Variants in NUBP1 observed in about 807,000 individuals in gnomAD.
NUBP1 encodes the protein cytosolic Fe-S cluster assembly factor NUBP1.
Under a neutral mutation model 41.8 loss-of-function variants are expected in NUBP1, and 46 were observed. The ratio of observed to expected loss-of-function variants is 1.10; its 90% CI spans 0.87 to 1.41. The LOEUF is 1.41. Ranked by LOEUF, NUBP1 falls within the 40% of genes most tolerant of loss-of-function variation. NUBP1 has a pLI of 0.00. For synonymous variants in NUBP1, 189 were observed against 154.6 expected (o/e 1.22, Z -1.65); for missense variants, 494 against 414.0 (o/e 1.19, Z -1.68).
Position 10,743,946 on chromosome 16 carries a change from C to G in NUBP1, c.20-15C>G. 2 of 1,592,136 alleles carry G rather than the reference C, an allele frequency of 1.3e-6. No homozygotes were observed. The highest frequency in any genetic ancestry group is 1.7e-6 in the Non-Finnish European group (2 of 1,172,056). On this transcript the variant is annotated splice_polypyrimidine_tract_variant and intron_variant, in intron 1 of 10. Coordinates refer to ENST00000283027, the MANE Select transcript of NUBP1 (RefSeq NM_002484.4). ...TGTCGGGAGCTGCTCTAACTGTGGT[C>G]TTGTCTCTGCGCAGACTGTCCAGGG...
In NUBP1 at chr16:10,769,022, C is replaced by G. The variant is rs2233542; in HGVS notation, c.905-25C>G. Reference sequence around the variant, plus strand: ...AAGGGGTAGACAAGCCATTAGCACTCTATGCCTGTCGTCTTGTTTTCCAGG... The same window carrying G: ...AAGGGGTAGACAAGCCATTAGCACTGTATGCCTGTCGTCTTGTTTTCCAGG... On this transcript the variant is annotated intron_variant, in intron 10 of 10. Coordinates refer to ENST00000283027, the MANE Select transcript of NUBP1 (RefSeq NM_002484.4). 3,473 of 1,612,458 alleles carry G rather than the reference C, an allele frequency of 2.2e-3. 69 individuals carry two copies. The African/African-American group carries it at 0.04, about 19-fold the overall frequency.
Position 10,767,626 on chromosome 16 carries a change from A to T in NUBP1, c.821-323A>T, listed in dbSNP as rs74773487. 6.6e-3 allele frequency: 2,911 copies of T among 438,188 alleles called. 93 individuals are homozygous for T. The highest frequency in any genetic ancestry group is 0.052 in the African/African-American group (2,592 of 50,006). 27.1% of individuals were successfully genotyped at this position (438,188 alleles called of 1,614,324 possible). On this transcript the variant is annotated intron_variant, in intron 9 of 10. Coordinates refer to ENST00000283027, the MANE Select transcript of NUBP1 (RefSeq NM_002484.4). This position sits in a 1 kb window ranked among gnomAD's most constrained non-coding sequence, Gnocchi z 4.6. ...CTTTTTTTAACCATGTGCATTCATG[A>T]TCCTTTCACTCAAAAGCTAATCTCT...
chr16:10,747,670 T>C (rs1900123439), intron 3 of NUBP1, among the ~76,000 whole-genome samples: 1 of 152,212 alleles, frequency 6.6e-6, no homozygotes, highest in Non-Finnish European at 1.5e-5. Context: ...TAAGTTGAAT[T>C]GGCCTCTTTG....
chr16:10,744,099 G>T, intron 2 of NUBP1, 34 bp downstream of exon 2: 1 of 1,508,896 alleles, frequency 6.6e-7, no homozygotes, highest in Non-Finnish European at 8.8e-7. Context: ...CAGGAACTTA[G>T]AGGCGCAGGC....
At chr16:10,756,337 C>T (rs1216799443) in intron 5 of NUBP1, among the ~76,000 whole-genome samples, 1 of 151,934 alleles carries the variant, frequency 6.6e-6, no homozygotes, top group Non-Finnish European at 1.5e-5. Context: ...TGAGATTGCA[C>T]CATGCACTCC....
intron 2 of NUBP1, 106 bp downstream of exon 2, chr16:10,744,171 G>A: frequency 1.7e-6 from 2 of 1,144,922 alleles, no homozygotes; most frequent in Non-Finnish European, 2.4e-6. Context: ...ACAGCGGCAG[G>A]CTAGAAGGTA....
Position 10,767,050 on chromosome 16 carries a change from A to G in NUBP1, c.821-899A>G. 2 of 398,726 alleles carry G rather than the reference A, an allele frequency of 5.0e-6. No homozygotes were observed. Among genetic ancestry groups the G allele is most frequent in the Non-Finnish European group, 8.8e-6 (2 of 226,128 alleles). The allele number at this position is 398,726 out of a possible 1,614,324, so 24.7% of individuals were successfully genotyped here. A position where few individuals can be genotyped will look rare whatever the true frequency, so the allele number is the denominator to read the frequency against. ...ACAGGGCGACACAGTAGTGAAGTTG[A>G]GGAAATGATGAGTGCTAGGTAGGAA... On this transcript the variant is annotated intron_variant, in intron 9 of 10. Transcript: ENST00000283027. The surrounding 1 kb of genome is among the most constrained non-coding windows in gnomAD (Gnocchi z 4.6).
intron 4 of NUBP1, among the ~76,000 whole-genome samples, chr16:10,753,744 G>C (rs1900427819): frequency 6.6e-6 from 1 of 152,006 alleles, no homozygotes; most frequent in Non-Finnish European, 1.5e-5. Flanking sequence ...GTGGTCAAAG[G>C]TGCCCTCACT....
chr16:10,754,899 G>A (rs1412014660), intron 4 of NUBP1, among the ~76,000 whole-genome samples: 3 of 152,046 alleles, frequency 2.0e-5, no homozygotes, highest in Non-Finnish European at 4.4e-5. Context: ...ACAAAAATTA[G>A]CTGGGCATGG....
chr16:10,765,984 G>C lies in NUBP1; in HGVS notation c.821-1965G>C, dbSNP rs1276609587. On this transcript the variant is annotated intron_variant, in intron 9 of 10. Transcript: ENST00000283027. This position sits in a 1 kb window ranked among gnomAD's most constrained non-coding sequence, Gnocchi z 4.0. ...CAAGAGGGTGGAGCATGAGGGCCAA[G>C]TGACAGACACGCATCTGGCAAGGTC... The C allele has an allele frequency of 1.3e-5, 2 of 152,384 alleles. No individual in the cohort carries two copies. The highest frequency in any genetic ancestry group is 4.8e-5 in the African/African-American group (2 of 41,472). 9.4% of individuals were successfully genotyped at this position (152,384 alleles called of 1,614,324 possible).
chr16:10,746,538 C>T (rs1020977397), intron 2 of NUBP1, among the ~76,000 whole-genome samples: 3 of 152,024 alleles, frequency 2.0e-5, no homozygotes, highest in Non-Finnish European at 2.9e-5. Flanking sequence ...GTTGGAAGTT[C>T]GAGACTAGCC....
At position 10,758,022 on chromosome 16, in the gene NUBP1, C is replaced by T; in HGVS notation, c.601C>T (p.Pro201Ser). Residue 201 changes from proline (P) to serine (S), a missense_variant, in exon 7 of 11, where the codon CCC (proline) becomes TCC (serine). Pro to Ser is a moderately conservative substitution (Grantham distance 74). Coordinates refer to ENST00000283027, the MANE Select transcript of NUBP1 (RefSeq NM_002484.4). ...HIDGAVIITT[P>S]QEVSLQDVRK... The stretch of plus-strand genomic sequence containing the variant: ...CGATGGAGCAGTGATCATCACCACT[C>T]CCCAGGTGAGCGAGCTGCCAGCTGG... 6.2e-7 allele frequency: 1 copy of T among 1,612,424 alleles called. No individual in the cohort carries two copies. The highest frequency in any genetic ancestry group is 1.1e-5 in the South Asian group (1 of 91,066).
Position 10,755,753 on chromosome 16 carries a change from G to T in NUBP1, c.360G>T (p.Val120=). 6.2e-7 allele frequency: 1 copy of T among 1,614,068 alleles called. No homozygotes were observed. The highest frequency in any genetic ancestry group is 8.5e-7 in the Non-Finnish European group (1 of 1,179,956). ...AGAGTGGCTCAGGCTGGTCTCCAGT[G>T]GTGAGTTTTCACCTCTTTGCCCTAT... ...VHQSGSGWSP[V]YVEDNLGVMS... is the part of the protein sequence containing the mutation. The change falls in exon 5 of 11, where the codon GTG becomes GTT. Residue 120 remains valine, a splice_region_variant and synonymous_variant. Coordinates refer to ENST00000283027, the MANE Select transcript of NUBP1 (RefSeq NM_002484.4).
chr16:10,744,270 G>T (rs1206763155), intron 2 of NUBP1, among the ~76,000 whole-genome samples: 2 of 152,186 alleles, frequency 1.3e-5, no homozygotes, highest in African/African-American at 4.8e-5. Flanking sequence ...TGACAGGAAC[G>T]AGGCCTTTAG....
At position 10,765,552 on chromosome 16, in the gene NUBP1, TG is replaced by T. The variant is rs1168704602; in HGVS notation, c.821-2396del. ...GCATGCTTGCTGACCCACCCAAATA[TG>T]TCCACGGGCCCAGCCACAGGCCTGC... On this transcript the variant is annotated intron_variant, in intron 9 of 10. Coordinates refer to ENST00000283027, the MANE Select transcript of NUBP1 (RefSeq NM_002484.4). The surrounding 1 kb of genome is among the most constrained non-coding windows in gnomAD (Gnocchi z 4.0). 6.6e-6 allele frequency among the ~76,000 whole-genome samples: 1 copy of T among 152,006 alleles called. No individual in the cohort carries two copies. The highest frequency in any genetic ancestry group is 1.5e-5 in the Non-Finnish European group (1 of 67,980).
intron 7 of NUBP1, 92 bp from the exon 8 acceptor site, chr16:10,761,272 G>A (rs2029876074): frequency 2.6e-6 from 3 of 1,160,362 alleles, no homozygotes; most frequent in Non-Finnish European, 2.5e-6. Context: ...TATGATCGCA[G>A]ATCCACTGCA....
intron 3 of NUBP1, among the ~76,000 whole-genome samples, 169 bp from the exon 4 acceptor site, chr16:10,752,441 G>A (rs1900362276): frequency 6.6e-6 from 1 of 152,168 alleles, no homozygotes; most frequent in Admixed American, 6.5e-5. Context: ...TATGAACCTT[G>A]AGATCAGCGT....
chr16:10,749,701 G>A lies in NUBP1; in HGVS notation c.258+2425G>A, dbSNP rs936110356. 6.6e-6 allele frequency among the ~76,000 whole-genome samples: 1 copy of A among 152,332 alleles called. No homozygotes were observed. The highest frequency in any genetic ancestry group is 2.1e-4 in the South Asian group (1 of 4,830). The stretch of plus-strand genomic sequence containing the variant: ...CCTGCCCTAAATCCAGCAGGGTGGT[G>A]GGACATGCCCTGACCTTTTTCTGCC... On this transcript the variant is annotated intron_variant, in intron 3 of 10. Coordinates refer to ENST00000283027, the MANE Select transcript of NUBP1 (RefSeq NM_002484.4). This position sits in a 1 kb window ranked among gnomAD's most constrained non-coding sequence, Gnocchi z 4.1.
chr16:10,751,907 G>T (rs1900337425), intron 3 of NUBP1, among the ~76,000 whole-genome samples: 1 of 152,162 alleles, frequency 6.6e-6, no homozygotes, highest in African/African-American at 2.4e-5. Flanking sequence ...AAAGACCTCA[G>T]TTTATGTCCC....
Sources: gnomAD v4.1 joint callset for allele counts (sites outside exome capture counted in the v4.1 genomes callset) on GRCh38, gnomAD v4.1.1 for gene constraint, Gnocchi (gnomAD v3.1) non-coding constraint, MANE v1.5 for transcripts, NCBI Gene and HGNC (gene_info 2026-07-23, HGNC 2026-07-21) for gene names.